The following UNC13C variants were observed in gnomAD, a reference collection of about 807,000 sequenced individuals.
UNC13C encodes protein unc-13 homolog C.
A neutral mutation model predicts 245.4 loss-of-function variants in UNC13C; 174 were observed. The ratio of observed to expected loss-of-function variants is 0.71; its 90% CI spans 0.63 to 0.80. The LOEUF (loss-of-function observed/expected upper bound fraction) is 0.80, where lower values mean the gene tolerates loss of function less well. UNC13C is among the 30% of genes least tolerant of loss of function. UNC13C has a pLI of 0.00. For synonymous variants in UNC13C, 992 were observed against 895.1 expected (o/e 1.11, Z -1.93); for missense variants, 2,829 against 2,602.9 (o/e 1.09, Z -1.89).
intron 4 of UNC13C, among the ~76,000 whole-genome samples, chr15:54,168,452 C>G (rs2033266206): frequency 1.3e-5 from 2 of 152,090 alleles, no homozygotes; most frequent in Non-Finnish European, 2.9e-5. Flanking sequence ...AGATTGGGAT[C>G]TCGCTCATTT....
chr15:54,161,404 A>G (rs1009595102), intron 4 of UNC13C, among the ~76,000 whole-genome samples: 5 of 152,196 alleles, frequency 3.3e-5, no homozygotes, highest in Admixed American at 2.6e-4. Flanking sequence ...TGACAGTGGT[A>G]CAAGTCCGCT....
intron 17 of UNC13C, among the ~76,000 whole-genome samples, chr15:54,382,825 G>T (rs2039756351): frequency 6.6e-6 from 1 of 151,928 alleles, no homozygotes; most frequent in African/African-American, 2.4e-5. Context: ...AAAAAAGCAA[G>T]AAGCTCAAAA....
intron 18 of UNC13C, among the ~76,000 whole-genome samples, chr15:54,397,323 T>G (rs2040091447): frequency 6.6e-6 from 1 of 151,552 alleles, no homozygotes; most frequent in African/African-American, 2.4e-5. Flanking sequence ...TGGAGAAAAC[T>G]CAATTGACTG....
chr15:54,167,959 A>T (rs2033245463), intron 4 of UNC13C, among the ~76,000 whole-genome samples: 2 of 152,172 alleles, frequency 1.3e-5, no homozygotes, highest in Admixed American at 1.3e-4. Flanking sequence ...AAAAACTAAA[A>T]CAACATCTAA....
At chr15:53,862,816 A>G in the UNC13C span, among the ~76,000 whole-genome samples, 1 of 151,990 alleles carries the variant, frequency 6.6e-6, no homozygotes, top group African/African-American at 2.4e-5. Context: ...AAGTAACATC[A>G]CTTTTTAGGT....
the UNC13C span, among the ~76,000 whole-genome samples, chr15:53,920,890 TAATA>T: frequency 3.8e-4 from 58 of 150,986 alleles, 1 homozygote; most frequent in South Asian, 0.012. Context: ...GACAAATAAA[TAATA>T]AATCACACTT....
chr15:54,268,143 T>C (rs2036594862), intron 10 of UNC13C, among the ~76,000 whole-genome samples: 1 of 152,002 alleles, frequency 6.6e-6, no homozygotes. Context: ...TTACTTAATT[T>C]TTTTTTTCTT....
At chr15:54,159,609 G>C (rs995182731) in intron 4 of UNC13C, among the ~76,000 whole-genome samples, 6 of 152,144 alleles carry the variant, frequency 3.9e-5, no homozygotes, top group Non-Finnish European at 8.8e-5. Context: ...ATAATCTAGA[G>C]TTTAAGGGCC....
Position 54,522,473 on chromosome 15 carries a change from G to A in UNC13C, c.5458-3076G>A, listed in dbSNP as rs576190262. Among the ~76,000 whole-genome samples, 57 of 151,548 alleles carry A rather than the reference G, an allele frequency of 3.8e-4. No homozygotes were observed. The South Asian group carries it at 0.011, about 30-fold the overall frequency. On this transcript the variant is annotated intron_variant, in intron 24 of 32. Coordinates refer to ENST00000260323, the MANE Select transcript of UNC13C (RefSeq NM_001080534.3). ...AGCCTGGGCAACAGAGCGAGATTCT[G>A]TCTCAAAAACAAAACAAAACAACAA... is the stretch of plus-strand genomic sequence containing the variant.
intron 30 of UNC13C, 112 bp downstream of exon 30, chr15:54,568,059 A>G (rs1490432074): frequency 1.6e-5 from 12 of 758,192 alleles, no homozygotes; most frequent in Non-Finnish European, 2.1e-5. Context: ...GAATTGAAGT[A>G]TCATTAAAAA....
chr15:54,600,548 C>G (rs1167567567), intron 30 of UNC13C, among the ~76,000 whole-genome samples: 1 of 151,934 alleles, frequency 6.6e-6, no homozygotes, highest in Non-Finnish European at 1.5e-5. Flanking sequence ...TGGTACTGAC[C>G]TATTGCTAAA....
chr15:54,410,754 C>T (rs2040400685), intron 18 of UNC13C, among the ~76,000 whole-genome samples: 1 of 152,028 alleles, frequency 6.6e-6, no homozygotes, highest in Non-Finnish European at 1.5e-5. Flanking sequence ...GTTATGGTTA[C>T]TGCAGCCTTG....
chr15:54,219,555 T>C (rs1478535427), intron 4 of UNC13C, among the ~76,000 whole-genome samples: 1 of 146,206 alleles, frequency 6.8e-6, no homozygotes, highest in African/African-American at 2.6e-5. Context: ...ACTTCATGTC[T>C]AAAACACCAA....
rs561456350 is a variant in UNC13C, at chr15:54,073,419, A to G, written c.2983+57533A>G. Reference sequence around the variant, plus strand: ...CCCAGTAATGGGATTGCTGGGTCCAATGGTATTTCTGGTTCTAGATCCTTG... The same window carrying G: ...CCCAGTAATGGGATTGCTGGGTCCAGTGGTATTTCTGGTTCTAGATCCTTG... On this transcript the variant is annotated intron_variant, in intron 2 of 32. Coordinates refer to ENST00000260323, the MANE Select transcript of UNC13C (RefSeq NM_001080534.3). 1.4e-3 allele frequency among the ~76,000 whole-genome samples: 211 copies of G among 152,260 alleles called. 1 individual carries two copies. Among genetic ancestry groups the G allele is most frequent in the Non-Finnish European group, 2.4e-3 (163 of 68,012 alleles).
intron 30 of UNC13C, among the ~76,000 whole-genome samples, chr15:54,576,397 C>A (rs1256038437): frequency 6.6e-6 from 1 of 152,176 alleles, no homozygotes; most frequent in Non-Finnish European, 1.5e-5. Flanking sequence ...ATGTTAGTAT[C>A]ACTGAATCTC....
chr15:54,498,570 T>G (rs1894055176), intron 20 of UNC13C, among the ~76,000 whole-genome samples: 1 of 152,174 alleles, frequency 6.6e-6, no homozygotes, highest in Non-Finnish European at 1.5e-5. Context: ...AGTAGAATTT[T>G]AAAAGTAAGT....
chr15:54,462,386 C>T (rs1247085781), intron 19 of UNC13C, among the ~76,000 whole-genome samples: 1 of 152,218 alleles, frequency 6.6e-6, no homozygotes, highest in African/African-American at 2.4e-5. Flanking sequence ...CACAGCTGCA[C>T]TGTGGGAGCC....
At chr15:54,109,692 C>G (rs919642505) in intron 2 of UNC13C, among the ~76,000 whole-genome samples, 1 of 152,038 alleles carries the variant, frequency 6.6e-6, no homozygotes, top group African/African-American at 2.4e-5. Context: ...CAACTTTATT[C>G]AGAATAATCC....
Position 54,487,703 on chromosome 15 carries a change from G to T in UNC13C, c.4934-6905G>T, listed in dbSNP as rs192989092. On this transcript the variant is annotated intron_variant, in intron 19 of 32. Coordinates refer to ENST00000260323, the MANE Select transcript of UNC13C (RefSeq NM_001080534.3). ...AATTGCTTGACCTCAGGAGGTGGAGGTTGCCATGAGCCAAGATTGTGCCAC... is the reference window on the plus strand; with the variant it reads ...AATTGCTTGACCTCAGGAGGTGGAGTTTGCCATGAGCCAAGATTGTGCCAC... 6.2e-3 allele frequency among the ~76,000 whole-genome samples: 925 copies of T among 148,282 alleles called. 8 individuals are homozygous for T. The highest frequency in any genetic ancestry group is 0.022 in the African/African-American group (871 of 39,898).
Sources: allele counts gnomAD v4.1 joint callset (sites outside exome capture counted in the v4.1 genomes callset), GRCh38; gene constraint gnomAD v4.1.1; transcripts MANE v1.5; gene names NCBI Gene and HGNC (gene_info 2026-07-23, HGNC 2026-07-21).